Variants in MR1 observed in about 807,000 individuals in gnomAD.
MR1 encodes major histocompatibility complex class I-related protein 1.
A neutral mutation model predicts 37.8 loss-of-function variants in MR1; 44 were observed. The observed-to-expected ratio is 1.16, with a 90% confidence interval of 0.91 to 1.50. MR1 has a LOEUF of 1.50. MR1 is among the 40% of genes most tolerant of loss of function. The pLI is 0.00. For missense variants in MR1, 386 were observed against 419.1 expected (o/e 0.92, Z 0.69); for synonymous variants, 153 against 155.8 (o/e 0.98, Z 0.13).
intron 1 of MR1, among the ~76,000 whole-genome samples, chr1:181,046,931 A>G (rs1370174754): frequency 6.6e-6 from 1 of 152,140 alleles, no homozygotes; most frequent in Non-Finnish European, 1.5e-5. Flanking sequence ...CCCAACAGAA[A>G]GAAGAAACTC....
intron 1 of MR1, among the ~76,000 whole-genome samples, chr1:181,035,492 G>C (rs984307449): frequency 6.6e-6 from 1 of 152,266 alleles, no homozygotes; most frequent in Admixed American, 6.5e-5. Flanking sequence ...GGGAAAGATT[G>C]GGGGTGAGGG....
At position 181,049,554 on chromosome 1, in the gene MR1, T is replaced by C. The variant is rs1658169183; in HGVS notation, c.328+242T>C. The C allele has an allele frequency of 5.2e-6, 3 of 574,436 alleles. No homozygotes were observed. The African/African-American group carries it at 5.6e-5, about 11-fold the overall frequency. The allele number at this position is 574,436 out of a possible 1,614,324, so 35.6% of individuals were successfully genotyped here. A position where few individuals can be genotyped will look rare whatever the true frequency, so the allele number is the denominator to read the frequency against. ...ACTCTTCCCCATCTCTGTATCCGTA[T>C]CTGCATCCCATTTCCACTCAGGCTT... is the stretch of plus-strand genomic sequence containing the variant. On this transcript the variant is annotated intron_variant, in intron 2 of 5. Transcript: ENST00000367580.
Position 181,055,394 on chromosome 1 carries a change from G to A in MR1, c.*129G>A. The A allele has an allele frequency of 2.5e-6, 2 of 785,356 alleles. No homozygotes were observed. The highest frequency in any genetic ancestry group is 3.4e-5 in the South Asian group (2 of 58,178). The allele number at this position is 785,356 out of a possible 1,614,324, so 48.6% of individuals were successfully genotyped here. On this transcript the variant is annotated 3_prime_UTR_variant, in exon 6 of 6. Transcript: ENST00000367580. ...ACATACATGAGAGTAATGGGATTGAGCATTTATGGCAGCAACAGAGGAGCC... is the reference window on the plus strand; with the variant it reads ...ACATACATGAGAGTAATGGGATTGAACATTTATGGCAGCAACAGAGGAGCC...
intron 1 of MR1, among the ~76,000 whole-genome samples, chr1:181,047,330 G>T (rs989388806): frequency 2.1e-4 from 32 of 152,252 alleles, no homozygotes; most frequent in African/African-American, 7.2e-4. Flanking sequence ...GCCGGCCATG[G>T]TGGCTCACAC....
In MR1 at chr1:181,061,100, C is replaced by G. The variant is rs926692493; in HGVS notation, c.*5835C>G. 6.6e-6 allele frequency: 1 copy of G among 152,178 alleles called. No individual in the cohort carries two copies. Among genetic ancestry groups the G allele is most frequent in the African/African-American group, 2.4e-5 (1 of 41,414 alleles). The allele number at this position is 152,178 out of a possible 1,614,324, so 9.4% of individuals were successfully genotyped here. ...AGGAAAAAGGACACTGAGCACAGCC[C>G]GTGCATGAGCGGCTTGCCATGCAAC... On this transcript the variant is annotated 3_prime_UTR_variant, in exon 6 of 6. Coordinates refer to ENST00000367580, the MANE Select transcript of MR1 (RefSeq NM_001385161.1).
chr1:181,043,357 G>A (rs973958246), intron 1 of MR1, among the ~76,000 whole-genome samples: 3 of 152,206 alleles, frequency 2.0e-5, no homozygotes, highest in African/African-American at 4.8e-5. Context: ...CCCATGGGGC[G>A]GGGATACCTA....
rs1658811844 is a variant in MR1 at position 181,059,660 on chromosome 1, A to T, written c.*4395A>T. 1 of 153,292 alleles carries T rather than the reference A, an allele frequency of 6.5e-6. No homozygotes were observed. The highest frequency in any genetic ancestry group is 2.4e-5 in the African/African-American group (1 of 41,484). The allele number at this position is 153,292 out of a possible 1,614,324, so 9.5% of individuals were successfully genotyped here. On this transcript the variant is annotated 3_prime_UTR_variant, in exon 6 of 6. Transcript: ENST00000367580. ...GGTGGCCTCAGGGCAGTCACTGCTT[A>T]CATGGCAGCTAGCTTCCCTCAGAGT...
chr1:181,046,750 T>C (rs908983677), intron 1 of MR1, among the ~76,000 whole-genome samples: 7 of 152,154 alleles, frequency 4.6e-5, no homozygotes, highest in Non-Finnish European at 8.8e-5. Context: ...GGGTCCACAC[T>C]GCCTTTATGA....
chr1:181,050,432 A>G (rs1475885481), intron 3 of MR1, 146 bp downstream of exon 3: 1 of 1,031,264 alleles, frequency 9.7e-7, no homozygotes, highest in Non-Finnish European at 1.4e-6. Flanking sequence ...AGCCCCCACG[A>G]AAACTTTCCC....
intron 1 of MR1, among the ~76,000 whole-genome samples, chr1:181,048,235 A>AAAT (rs1159998468): frequency 2.8e-5 from 4 of 143,520 alleles, no homozygotes; most frequent in Non-Finnish European, 6.1e-5. Flanking sequence ...AAATAAAATA[A>AAAT]AATAAATAAA....
In MR1 at chr1:181,047,555, C is replaced by T. The variant is rs539842135; in HGVS notation, c.68-1497C>T. 9.4e-4 allele frequency among the ~76,000 whole-genome samples: 139 copies of T among 148,594 alleles called. 1 individual carries two copies. The highest frequency in any genetic ancestry group is 1.7e-3 in the Non-Finnish European group (112 of 67,050). ...CAGAGGTTGCAGTGAGCCAAGGTCACGCCACTGCACTCCAGCCTGGGCAAC... is the reference window on the plus strand; with the variant it reads ...CAGAGGTTGCAGTGAGCCAAGGTCATGCCACTGCACTCCAGCCTGGGCAAC... On this transcript the variant is annotated intron_variant, in intron 1 of 5. Transcript: ENST00000367580.
In MR1 at chr1:181,061,149, C is replaced by T. The variant is rs1658883023; in HGVS notation, c.*5884C>T. On this transcript the variant is annotated 3_prime_UTR_variant, in exon 6 of 6. Transcript: ENST00000367580. ...ACAGGATAAAACCCATAATGCCACT[C>T]AGCAAGCCTTGGTTGTAAATCTAGT... 1 of 152,250 alleles carries T rather than the reference C, an allele frequency of 6.6e-6. No homozygotes were observed. Among genetic ancestry groups the T allele is most frequent in the Non-Finnish European group, 1.5e-5 (1 of 68,052 alleles). 9.4% of individuals were successfully genotyped at this position (152,250 alleles called of 1,614,324 possible).
chr1:181,043,722 C>A (rs1233608009), intron 1 of MR1, among the ~76,000 whole-genome samples: 1 of 152,130 alleles, frequency 6.6e-6, no homozygotes, highest in East Asian at 1.9e-4. Context: ...CATATGCACA[C>A]ACATACATAC....
chr1:181,049,534 TC>T, intron 2 of MR1: 4 of 594,032 alleles, frequency 6.7e-6, no homozygotes, highest in Non-Finnish European at 1.2e-5. Flanking sequence ...CACCCACTCT[TC>T]CCCATCTCTG....
intron 3 of MR1, chr1:181,050,635 A>G (rs971552317): frequency 6.4e-6 from 2 of 311,136 alleles, no homozygotes; most frequent in South Asian, 3.2e-5. Context: ...AAGGGCTCAC[A>G]CACCACCAGT....
At chr1:181,053,723 C>A (rs367841673) in intron 5 of MR1, 46 bp downstream of exon 5, 78 of 1,336,500 alleles carry the variant, frequency 5.8e-5, no homozygotes, top group Middle Eastern at 3.7e-4. Context: ...GACTCTCCTG[C>A]ATCTCTCCAG....
Position 181,049,195 on chromosome 1 carries a change from T to G in MR1, c.211T>G (p.Trp71Gly). 6.2e-7 allele frequency: 1 copy of G among 1,614,212 alleles called. No individual in the cohort carries two copies. The highest frequency in any genetic ancestry group is 8.5e-7 in the Non-Finnish European group (1 of 1,180,026). Residue 71 changes from tryptophan (W) to glycine (G), a missense_variant, in exon 2 of 6, where the codon TGG becomes GGG. By Grantham distance (184) the Trp-to-Gly change is radical. Transcript: ENST00000367580. ...TCGGCAGAAGGAGCCACGGGCCCCA[T>G]GGATGGCAGAGAACCTCGCGCCTGA... Reference protein sequence around the residue: ...VTRQKEPRAPWMAENLAPDHW... With the variant: ...VTRQKEPRAPGMAENLAPDHW...
chr1:181,046,036 G>A (rs1010363875), intron 1 of MR1, among the ~76,000 whole-genome samples: 2 of 152,344 alleles, frequency 1.3e-5, no homozygotes, highest in East Asian at 1.9e-4. Context: ...GCTGCAGCTC[G>A]ATTTCTCGCC....
chr1:181,038,095 T>C (rs1657366437), intron 1 of MR1, among the ~76,000 whole-genome samples: 1 of 152,244 alleles, frequency 6.6e-6, no homozygotes. Flanking sequence ...GCTGGGACTT[T>C]CATGTGTTCA....
Sources: allele counts gnomAD v4.1 joint callset (sites outside exome capture counted in the v4.1 genomes callset), GRCh38; gene constraint gnomAD v4.1.1; transcripts MANE v1.5; gene names NCBI Gene and HGNC (gene_info 2026-07-23, HGNC 2026-07-21).